Variants in AFF3 observed in about 807,000 individuals in gnomAD.
AFF3 encodes AF4/FMR2 family member 3.
Under a neutral mutation model 129.7 loss-of-function variants are expected in AFF3, and 32 were observed. The observed-to-expected ratio is 0.25, with a 90% CI of 0.19 to 0.33. The LOEUF is 0.33. Ranked by LOEUF, AFF3 falls within the 10% of genes least tolerant of loss-of-function variation. The pLI is 1.00. For missense variants in AFF3, 1,373 were observed against 1,592.0 expected, an observed-to-expected ratio of 0.86 and a Z score of 2.34; for synonymous variants, 644 against 635.4, an observed-to-expected ratio of 1.01 and a Z score of -0.20.
intron 7 of AFF3, among the ~76,000 whole-genome samples, chr2:99,856,118 G>A (rs1459984082): frequency 6.6e-6 from 1 of 152,170 alleles, no homozygotes; most frequent in Non-Finnish European, 1.5e-5. Context: ...ACAACGAAAT[G>A]TGTGGTATTC....
At chr2:100,093,187 G>A (rs558173820) in intron 4 of AFF3, among the ~76,000 whole-genome samples, 73 of 150,652 alleles carry the variant, frequency 4.8e-4, no homozygotes, top group African/African-American at 1.8e-3. Flanking sequence ...GCTCATTGCA[G>A]CCTTGACCTT....
chr2:99,985,904 A>C (rs1327445436), intron 7 of AFF3, among the ~76,000 whole-genome samples: 4 of 152,084 alleles, frequency 2.6e-5, no homozygotes, highest in Non-Finnish European at 5.9e-5. Flanking sequence ...TAAGAAGAAA[A>C]AAAATAAAAA....
In AFF3 at chr2:99,820,566, A is replaced by G. The variant is rs563679644; in HGVS notation, c.921+16911T>C. On this transcript the variant is annotated intron_variant, in intron 8 of 24. Coordinates refer to ENST00000672756, the MANE Select transcript of AFF3 (RefSeq NM_001386135.1). Reference sequence around the variant, plus strand: ...ACTTAAGCTACACTAAATTAATAAAAATATTTTTCTTTCTTCAATAATAAG... The same window carrying G: ...ACTTAAGCTACACTAAATTAATAAAGATATTTTTCTTTCTTCAATAATAAG... Among the ~76,000 whole-genome samples the G allele has an allele frequency of 1.6e-4, 24 of 151,272 alleles. No homozygotes were observed. The South Asian group carries it at 4.7e-3, about 29-fold the overall frequency.
chr2:99,572,536 T>C lies in AFF3; in HGVS notation c.2919-3621A>G, dbSNP rs1208037955. 91 of 451,416 alleles carry C rather than the reference T, an allele frequency of 2.0e-4. 1 individual carries two copies. Among genetic ancestry groups the C allele is most frequent in the South Asian group, 1.1e-3 (72 of 63,252 alleles). The allele number at this position is 451,416 out of a possible 1,614,324, so 28.0% of individuals were successfully genotyped here. A position where few individuals can be genotyped will look rare whatever the true frequency, so the allele number is the denominator to read the frequency against. ...CCTGTTTTGTGAAAACTGGCAGGGA[T>C]GAGAGCTCAATGTGTTTGAACAACA... On this transcript the variant is annotated intron_variant, in intron 18 of 24. Coordinates refer to ENST00000672756, the MANE Select transcript of AFF3 (RefSeq NM_001386135.1).
chr2:99,730,365 C>T (rs1022066744), intron 10 of AFF3, among the ~76,000 whole-genome samples: 3 of 152,138 alleles, frequency 2.0e-5, no homozygotes, highest in African/African-American at 4.8e-5. Flanking sequence ...GGAATTCATG[C>T]TCTTTAAACA....
At chr2:99,657,114 GA>G (rs1208264070) in intron 12 of AFF3, among the ~76,000 whole-genome samples, 1 of 152,148 alleles carries the variant, frequency 6.6e-6, no homozygotes, top group Non-Finnish European at 1.5e-5. Context: ...ATCATGATAA[GA>G]AGGCAGACCT....
chr2:100,141,235 A>G (rs1279655678), intron 1 of AFF3, among the ~76,000 whole-genome samples: 2 of 152,242 alleles, frequency 1.3e-5, no homozygotes, highest in African/African-American at 4.8e-5. Context: ...AGCAATGTAT[A>G]TATTTTTCTA....
intron 24 of AFF3, among the ~76,000 whole-genome samples, chr2:99,553,384 A>G (rs796091996): frequency 2.6e-5 from 4 of 152,226 alleles, no homozygotes; most frequent in African/African-American, 9.6e-5. Flanking sequence ...CATCCTGAAC[A>G]TCTTGCTCTT....
chr2:99,843,362 C>T (rs1208335640), intron 7 of AFF3, among the ~76,000 whole-genome samples: 1 of 152,214 alleles, frequency 6.6e-6, no homozygotes, highest in Non-Finnish European at 1.5e-5. Context: ...AAGCTAGAAG[C>T]CCAGCTGCCT....
chr2:100,122,639 T>A (rs946480284), intron 2 of AFF3, among the ~76,000 whole-genome samples: 12 of 152,150 alleles, frequency 7.9e-5, no homozygotes, highest in Admixed American at 6.5e-4. Context: ...CCCAGGTGCG[T>A]GCAATTGAGA....
At chr2:99,925,342 G>A (rs939998995) in intron 7 of AFF3, among the ~76,000 whole-genome samples, 7 of 151,970 alleles carry the variant, frequency 4.6e-5, no homozygotes, top group Non-Finnish European at 8.8e-5. Flanking sequence ...GCTTACTAAG[G>A]ATATTTTCCT....
chr2:100,077,932 G>C (rs1688714196), intron 4 of AFF3, among the ~76,000 whole-genome samples: 1 of 152,210 alleles, frequency 6.6e-6, no homozygotes, highest in African/African-American at 2.4e-5. Flanking sequence ...GTTAATGGGT[G>C]AATTTTGCTG....
chr2:99,901,149 A>G (rs975476236), intron 7 of AFF3, among the ~76,000 whole-genome samples: 1 of 152,254 alleles, frequency 6.6e-6, no homozygotes, highest in African/African-American at 2.4e-5. Context: ...CACTAAAGAA[A>G]TAAGGTGAGG....
At chr2:100,049,772 T>C (rs1380369473) in intron 4 of AFF3, among the ~76,000 whole-genome samples, 1 of 152,168 alleles carries the variant, frequency 6.6e-6, no homozygotes, top group Non-Finnish European at 1.5e-5. Flanking sequence ...AAAATCACAG[T>C]TGGGAAAATA....
Position 99,558,788 on chromosome 2 carries a change from A to G in AFF3, c.3285+87T>C, listed in dbSNP as rs886583928. 37 of 1,322,578 alleles carry G rather than the reference A, an allele frequency of 2.8e-5. No homozygotes were observed. The South Asian group carries it at 4.3e-4, about 15-fold the overall frequency. The allele number at this position is 1,322,578 out of a possible 1,614,324, so 81.9% of individuals were successfully genotyped here. ...CAGAGGTGACCTGCATTAACCCCAA[A>G]GCAATGGAGTCTACCAGGTGCTTCA... On this transcript the variant is annotated intron_variant, in intron 22 of 24. Coordinates refer to ENST00000672756, the MANE Select transcript of AFF3 (RefSeq NM_001386135.1).
intron 7 of AFF3, among the ~76,000 whole-genome samples, chr2:99,896,122 A>G (rs995040005): frequency 1.3e-5 from 2 of 150,274 alleles, no homozygotes; most frequent in Non-Finnish European, 3.0e-5. Flanking sequence ...TTTCCCCTAA[A>G]TTTCAATGGA....
intron 8 of AFF3, among the ~76,000 whole-genome samples, chr2:99,778,948 T>C (rs1363751074): frequency 1.3e-5 from 2 of 151,484 alleles, no homozygotes; most frequent in East Asian, 3.9e-4. Context: ...GTTGGCTCTT[T>C]AGGGTTTTCT....
chr2:99,790,840 A>C (rs1685140773), intron 8 of AFF3, among the ~76,000 whole-genome samples: 1 of 152,228 alleles, frequency 6.6e-6, no homozygotes, highest in African/African-American at 2.4e-5. Context: ...ACACACGTCC[A>C]CACAAAAACT....
At chr2:99,699,073 G>A (rs1398935870) in intron 11 of AFF3, among the ~76,000 whole-genome samples, 1 of 152,182 alleles carries the variant, frequency 6.6e-6, no homozygotes, top group Non-Finnish European at 1.5e-5. Flanking sequence ...GCATACCTGA[G>A]CAACCACACA....
Sources: gnomAD v4.1 joint callset for allele counts (sites outside exome capture counted in the v4.1 genomes callset) on GRCh38, gnomAD v4.1.1 for gene constraint, MANE v1.5 for transcripts, NCBI Gene and HGNC (gene_info 2026-07-23, HGNC 2026-07-21) for gene names.